BRIP1: variants seen among roughly 807,000 people sequenced by gnomAD.
BRIP1 encodes the protein BRCA1 interacting DNA helicase 1.
A neutral mutation model predicts 119.7 loss-of-function variants in BRIP1; 88 were observed. The observed-to-expected ratio is 0.74, with a 90% confidence interval of 0.62 to 0.88. The LOEUF is 0.88. Among genes scored for constraint, BRIP1 ranks in the 40% least tolerant of loss-of-function variants. The pLI is 0.00. For synonymous variants in BRIP1, 443 were observed against 496.5 expected (o/e 0.89, Z 1.43); for missense variants, 1,259 against 1,455.4 (o/e 0.87, Z 2.20).
rs556374665 is a variant in BRIP1 at position 61,825,229 on chromosome 17, G to C, written c.628-16472C>G. On this transcript the variant is annotated intron_variant, in intron 6 of 19. Coordinates refer to ENST00000259008, the MANE Select transcript of BRIP1 (RefSeq NM_032043.3). This position sits in a 1 kb window ranked among gnomAD's most constrained non-coding sequence, Gnocchi z 4.1. The stretch of plus-strand genomic sequence containing the variant: ...GAACCTGGGAGGCGGAGCTTGCAGT[G>C]ACCCAAGATTGTGCCACTGCACTCC... 8.4e-4 allele frequency among the ~76,000 whole-genome samples: 127 copies of C among 151,690 alleles called. No individual in the cohort carries two copies. The highest frequency in any genetic ancestry group is 2.9e-3 in the African/African-American group (120 of 41,364).
chr17:61,844,793 T>A lies in BRIP1; in HGVS notation c.627+2308A>T, dbSNP rs2078704476. ...AGTGATTAGGGCATTTGCCAGAACA[T>A]GAGAATGCCTAGGCAGGATTTAGCT... On this transcript the variant is annotated intron_variant, in intron 6 of 19. Transcript: ENST00000259008. This position sits in a 1 kb window ranked among gnomAD's most constrained non-coding sequence, Gnocchi z 4.7. Among the ~76,000 whole-genome samples the A allele has an allele frequency of 6.6e-6, 1 of 152,218 alleles. No individual in the cohort carries two copies.
chr17:61,702,376 C>T (rs905789893), intron 17 of BRIP1, among the ~76,000 whole-genome samples: 1 of 152,056 alleles, frequency 6.6e-6, no homozygotes, highest in Non-Finnish European at 1.5e-5. Flanking sequence ...TATTTTGTCA[C>T]CCAGGTAAAA....
intron 14 of BRIP1, among the ~76,000 whole-genome samples, chr17:61,749,097 A>T (rs2077098798): frequency 6.6e-6 from 1 of 151,612 alleles, no homozygotes; most frequent in Admixed American, 6.6e-5. Flanking sequence ...AGATCACGCC[A>T]CTACACTCCA....
In BRIP1 at chr17:61,730,601, C is replaced by T. The variant is rs573875771; in HGVS notation, c.2379+12412G>A. Among the ~76,000 whole-genome samples the T allele has an allele frequency of 1.3e-5, 2 of 152,162 alleles. No homozygotes were observed. Among genetic ancestry groups the T allele is most frequent in the South Asian group, 4.1e-4 (2 of 4,824 alleles). The stretch of plus-strand genomic sequence containing the variant: ...TTTCTCACCAAAAATAAGATGAACA[C>T]AAGAAAATAACTTCAGAATTGTTCA... On this transcript the variant is annotated intron_variant, in intron 16 of 19. Transcript: ENST00000259008. This position sits in a 1 kb window ranked among gnomAD's most constrained non-coding sequence, Gnocchi z 4.3.
chr17:61,796,852 T>C lies in BRIP1; in HGVS notation c.1340+2248A>G, dbSNP rs1320712186. Reference sequence around the variant, plus strand: ...ATGAACAATCAATGATATTGAGGAATTGGGGATATACTGTGCAGGTGGCAT... The same window carrying C: ...ATGAACAATCAATGATATTGAGGAACTGGGGATATACTGTGCAGGTGGCAT... On this transcript the variant is annotated intron_variant, in intron 9 of 19. Coordinates refer to ENST00000259008, the MANE Select transcript of BRIP1 (RefSeq NM_032043.3). The surrounding 1 kb of genome is among the most constrained non-coding windows in gnomAD (Gnocchi z 4.8). Among the ~76,000 whole-genome samples, 2 of 151,872 alleles carry C rather than the reference T, an allele frequency of 1.3e-5. No homozygotes were observed. Among genetic ancestry groups the C allele is most frequent in the African/African-American group, 4.8e-5 (2 of 41,394 alleles).
At position 61,823,966 on chromosome 17, in the gene BRIP1, G is replaced by A. The variant is rs1397398762; in HGVS notation, c.628-15209C>T. Among the ~76,000 whole-genome samples, 1 of 151,970 alleles carries A rather than the reference G, an allele frequency of 6.6e-6. No homozygotes were observed. The highest frequency in any genetic ancestry group is 2.4e-5 in the African/African-American group (1 of 41,368). ...GCAGCAGAGATTACAGGCATGTGCC[G>A]CCGCACCTGCCTAATTTTTTGTATT... On this transcript the variant is annotated intron_variant, in intron 6 of 19. Coordinates refer to ENST00000259008, the MANE Select transcript of BRIP1 (RefSeq NM_032043.3). This position sits in a 1 kb window ranked among gnomAD's most constrained non-coding sequence, Gnocchi z 4.8.
chr17:61,858,518 C>T (rs976831058), intron 3 of BRIP1, among the ~76,000 whole-genome samples: 1 of 151,980 alleles, frequency 6.6e-6, no homozygotes, highest in African/African-American at 2.4e-5. Context: ...GGATTACAGG[C>T]ACACGCCACC....
Position 61,776,289 on chromosome 17 carries a change from CT to C in BRIP1, c.2097+111del. On this transcript the variant is annotated intron_variant, in intron 14 of 19. Transcript: ENST00000259008. The surrounding 1 kb of genome is among the most constrained non-coding windows in gnomAD (Gnocchi z 5.0). ...ATGTTTAGAAAACTATAGTTATTAC[CT>C]TGTTGCCTCTACCCTAGGAAGCTTA... The C allele has an allele frequency of 8.6e-7, 1 of 1,166,992 alleles. No individual in the cohort carries two copies. The highest frequency in any genetic ancestry group is 1.3e-5 in the South Asian group (1 of 78,272). 72.3% of individuals were successfully genotyped at this position (1,166,992 alleles called of 1,614,324 possible). A position where few individuals can be genotyped will look rare whatever the true frequency, so the allele number is the denominator to read the frequency against.
chr17:61,743,636 C>T lies in BRIP1; in HGVS notation c.2258-502G>A, dbSNP rs1235329550. ...GATATGTTATATTACCTCTTTCTTG[C>T]ATTGTTCATAAACTACTACTATCCC... On this transcript the variant is annotated intron_variant, in intron 15 of 19. Coordinates refer to ENST00000259008, the MANE Select transcript of BRIP1 (RefSeq NM_032043.3). This position sits in a 1 kb window ranked among gnomAD's most constrained non-coding sequence, Gnocchi z 4.3. Among the ~76,000 whole-genome samples the T allele has an allele frequency of 6.6e-6, 1 of 152,078 alleles. No individual in the cohort carries two copies. The highest frequency in any genetic ancestry group is 1.5e-5 in the Non-Finnish European group (1 of 68,014).
rs913462143 is a variant in BRIP1 at position 61,780,592 on chromosome 17, G to A, written c.1795-191C>T. Among the ~76,000 whole-genome samples the A allele has an allele frequency of 1.3e-5, 2 of 152,082 alleles. No homozygotes were observed. The highest frequency in any genetic ancestry group is 2.4e-5 in the African/African-American group (1 of 41,416). On this transcript the variant is annotated intron_variant, in intron 12 of 19. Transcript: ENST00000259008. This position sits in a 1 kb window ranked among gnomAD's most constrained non-coding sequence, Gnocchi z 5.4. Reference sequence around the variant, plus strand: ...AAAATACAAAAATTAGCCGGGCATGGTGACACATGCCTATAGTCCCAGCTA... The same window carrying A: ...AAAATACAAAAATTAGCCGGGCATGATGACACATGCCTATAGTCCCAGCTA...
intron 17 of BRIP1, among the ~76,000 whole-genome samples, chr17:61,711,351 C>A (rs527269108): frequency 6.6e-6 from 1 of 151,960 alleles, no homozygotes; most frequent in African/African-American, 2.4e-5. Flanking sequence ...TATATTCAAG[C>A]GCCCCTAGAA....
At position 61,823,793 on chromosome 17, in the gene BRIP1, CA is replaced by C. The variant is rs1267576830; in HGVS notation, c.628-15037del. Among the ~76,000 whole-genome samples, 16 of 150,568 alleles carry C rather than the reference CA, an allele frequency of 1.1e-4. No individual in the cohort carries two copies. Among genetic ancestry groups the C allele is most frequent in the African/African-American group, 2.4e-4 (10 of 41,278 alleles). On this transcript the variant is annotated intron_variant, in intron 6 of 19. Transcript: ENST00000259008. This position sits in a 1 kb window ranked among gnomAD's most constrained non-coding sequence, Gnocchi z 4.8. ...ACACACACACACACACACACACACA[CA>C]CACCTTAGTTGAATTGCTGAAAGCA...
In BRIP1 at chr17:61,710,685, A is replaced by G. The variant is rs1458695284; in HGVS notation, c.2492+5266T>C. ...TGGCTAGAGGTAGAGGATAAGGATG[A>G]AAAAGCAGGTATTACAGTTTTAGAA... On this transcript the variant is annotated intron_variant, in intron 17 of 19. Coordinates refer to ENST00000259008, the MANE Select transcript of BRIP1 (RefSeq NM_032043.3). The surrounding 1 kb of genome is among the most constrained non-coding windows in gnomAD (Gnocchi z 5.4). Among the ~76,000 whole-genome samples, 1 of 152,226 alleles carries G rather than the reference A, an allele frequency of 6.6e-6. No homozygotes were observed. Among genetic ancestry groups the G allele is most frequent in the Non-Finnish European group, 1.5e-5 (1 of 68,038 alleles).
In BRIP1 at chr17:61,849,149, GT is replaced by G; in HGVS notation, c.486del (p.Leu164Ter). On this transcript the variant is annotated frameshift_variant, in exon 5 of 20. Coordinates refer to ENST00000259008, the MANE Select transcript of BRIP1 (RefSeq NM_032043.3). LOFTEE classifies it high-confidence loss of function. ...TTTACCTGCTGTGTAGTTTCTAAGG[GT>G]CGAATTCTTTTCTTCTCTACTTGAA... The part of the protein sequence containing the change: ...DDFQVEKKRI[R>X]PLETTQQIRK... 1 of 1,613,538 alleles carries G rather than the reference GT, an allele frequency of 6.2e-7. No individual in the cohort carries two copies. The highest frequency in any genetic ancestry group is 8.5e-7 in the Non-Finnish European group (1 of 1,179,694).
intron 16 of BRIP1, among the ~76,000 whole-genome samples, chr17:61,727,909 A>C (rs1042834213): frequency 6.6e-6 from 1 of 151,334 alleles, no homozygotes; most frequent in South Asian, 2.1e-4. Flanking sequence ...GGCCACTGCA[A>C]CCTCTGCTCC....
At chr17:61,818,709 A>G (rs1040100322) in intron 6 of BRIP1, among the ~76,000 whole-genome samples, 16 of 152,232 alleles carry the variant, frequency 1.1e-4, no homozygotes, top group African/African-American at 3.9e-4. Flanking sequence ...GCGGGTTTCT[A>G]TTTCTTAAAA....
At position 61,701,581 on chromosome 17, in the gene BRIP1, G is replaced by C. The variant is rs2061614790; in HGVS notation, c.2493-8069C>G. Reference sequence around the variant, plus strand: ...TAGGGCCTTTTCAGGTCTTTTCTTAGCATGTCCACATCACTGGTCACATGC... The same window carrying C: ...TAGGGCCTTTTCAGGTCTTTTCTTACCATGTCCACATCACTGGTCACATGC... On this transcript the variant is annotated intron_variant, in intron 17 of 19. Coordinates refer to ENST00000259008, the MANE Select transcript of BRIP1 (RefSeq NM_032043.3). The surrounding 1 kb of genome is among the most constrained non-coding windows in gnomAD (Gnocchi z 5.1). Among the ~76,000 whole-genome samples, 1 of 152,174 alleles carries C rather than the reference G, an allele frequency of 6.6e-6. No individual in the cohort carries two copies. Among genetic ancestry groups the C allele is most frequent in the African/African-American group, 2.4e-5 (1 of 41,448 alleles).
chr17:61,694,516 T>C (rs534061504), intron 17 of BRIP1, among the ~76,000 whole-genome samples: 3 of 152,232 alleles, frequency 2.0e-5, no homozygotes, highest in African/African-American at 7.2e-5. Context: ...ATACATGTTT[T>C]TTATTCTCTT....
At chr17:61,792,962 T>C (rs969244132) in intron 10 of BRIP1, among the ~76,000 whole-genome samples, 23 of 152,150 alleles carry the variant, frequency 1.5e-4, no homozygotes, top group Admixed American at 1.3e-4. Flanking sequence ...AGTGAGAGTA[T>C]ATGAGAATTC....
Sources: allele counts gnomAD v4.1 joint callset (sites outside exome capture counted in the v4.1 genomes callset), GRCh38; gene constraint gnomAD v4.1.1; non-coding constraint Gnocchi (gnomAD v3.1); transcripts MANE v1.5; gene names NCBI Gene and HGNC (gene_info 2026-07-23, HGNC 2026-07-21).